Variants in TCTN2 observed in about 807,000 individuals in gnomAD.
The protein encoded by TCTN2 is tectonic family member 2.
TCTN2 carries 66 observed loss-of-function variants against 83.4 expected under a neutral mutation model. That is an observed-to-expected ratio of 0.79 (90% CI 0.65 to 0.97). TCTN2 has a LOEUF of 0.97. Ranked by LOEUF, TCTN2 falls within the 50% of genes least tolerant of loss-of-function variation. The pLI is 0.00. For missense variants in TCTN2, 794 were observed against 858.1 expected, an observed-to-expected ratio of 0.93 and a Z score of 0.93; for synonymous variants, 301 against 326.7, an observed-to-expected ratio of 0.92 and a Z score of 0.85.
intron 12 of TCTN2, 78 bp downstream of exon 12, chr12:123,696,573 A>G: frequency 7.7e-7 from 1 of 1,304,340 alleles, no homozygotes; most frequent in Non-Finnish European, 1.1e-6. Context: ...AATCTAATCA[A>G]GCAATCAATT....
At chr12:123,706,101 G>C (rs58680194) in intron 15 of TCTN2, among the ~76,000 whole-genome samples, 1 of 152,236 alleles carries the variant, frequency 6.6e-6, no homozygotes, top group African/African-American at 2.4e-5. Context: ...TATTGGTTCA[G>C]TTTAGGTCAT....
In TCTN2 at chr12:123,697,090, G is replaced by A. The variant is rs1417574559; in HGVS notation, c.1397G>A (p.Gly466Glu). ...VTTLHLWQSA[G>E]RGLCTSATFK... Reference sequence around the variant, plus strand: ...GGATAATCTTTTTCTTTTATAGCTGGAAGGGGTCTGTGTACATCAGCAACT... The same window carrying A: ...GGATAATCTTTTTCTTTTATAGCTGAAAGGGGTCTGTGTACATCAGCAACT... Residue 466 changes from glycine to glutamate, a missense_variant, in exon 13 of 18, where the codon GGA becomes GAA. Physicochemically the swap from Gly to Glu is moderately conservative, Grantham distance 98 (BLOSUM62 -2). Coordinates refer to ENST00000303372, the MANE Select transcript of TCTN2 (RefSeq NM_024809.5). 1.2e-6 allele frequency: 2 copies of A among 1,612,076 alleles called. No homozygotes were observed. The highest frequency in any genetic ancestry group is 3.3e-5 in the Admixed American group (2 of 59,998).
In TCTN2 at chr12:123,677,965, C is replaced by T. The variant is rs77996773; in HGVS notation, c.464-1224C>T. Among the ~76,000 whole-genome samples, 22 of 152,276 alleles carry T rather than the reference C, an allele frequency of 1.4e-4. No homozygotes were observed. In the East Asian group the frequency reaches 3.5e-3, roughly 24 times the overall value. On this transcript the variant is annotated intron_variant, in intron 4 of 17. Coordinates refer to ENST00000303372, the MANE Select transcript of TCTN2 (RefSeq NM_024809.5). ...ACTCTTACGTGTGTTTCAGGCTCAGCGCATTCTCTCTCTCTGCAAGTCTTC... is the reference window on the plus strand; with the variant it reads ...ACTCTTACGTGTGTTTCAGGCTCAGTGCATTCTCTCTCTCTGCAAGTCTTC...
intron 1 of TCTN2, 34 bp from the exon 2 acceptor site, chr12:123,671,473 T>C (rs1955749627): frequency 6.2e-7 from 1 of 1,608,138 alleles, no homozygotes; most frequent in African/African-American, 1.3e-5. Flanking sequence ...CTTCCACTGC[T>C]AACCCCTCCT....
chr12:123,677,424 A>G (rs1396007671), intron 4 of TCTN2, among the ~76,000 whole-genome samples: 2 of 152,184 alleles, frequency 1.3e-5, no homozygotes, highest in African/African-American at 2.4e-5. Flanking sequence ...TAGTTCCTGC[A>G]TGGTTTTCTA....
intron 6 of TCTN2, among the ~76,000 whole-genome samples, chr12:123,687,474 A>T (rs1021765029): frequency 6.6e-6 from 1 of 151,856 alleles, no homozygotes; most frequent in Non-Finnish European, 1.5e-5. Context: ...TGGCTAACAC[A>T]GTGAAACCCT....
Position 123,699,929 on chromosome 12 carries a change from C to G in TCTN2, c.1612+119C>G, listed in dbSNP as rs1257251737. 4.9e-6 allele frequency: 4 copies of G among 810,820 alleles called. No individual in the cohort carries two copies. In the African/African-American group the frequency reaches 6.8e-5, roughly 14 times the overall value. The allele number at this position is 810,820 out of a possible 1,614,324, so 50.2% of individuals were successfully genotyped here. A position where few individuals can be genotyped will look rare whatever the true frequency, so the allele number is the denominator to read the frequency against. On this transcript the variant is annotated intron_variant, in intron 14 of 17. Transcript: ENST00000303372. ...TTCCTGAGGCTTGACTGCGGCTTAA[C>G]TGGACGTTTGCCCAGGGGTTAGATC...
At chr12:123,697,259 T>C (rs1004859870) in intron 13 of TCTN2, 61 bp downstream of exon 13, 4 of 1,183,028 alleles carry the variant, frequency 3.4e-6, no homozygotes, top group Non-Finnish European at 5.1e-6. Context: ...ATTAATTCAC[T>C]ACATGAATAT....
At chr12:123,682,591 C>T (rs1324705152) in intron 5 of TCTN2, among the ~76,000 whole-genome samples, 2 of 152,092 alleles carry the variant, frequency 1.3e-5, no homozygotes, top group African/African-American at 2.4e-5. Context: ...AAGCGATTCT[C>T]CTGCCTCAGC....
intron 5 of TCTN2, 26 bp from the exon 6 acceptor site, chr12:123,686,810 C>T: frequency 1.2e-6 from 2 of 1,612,890 alleles, no homozygotes; most frequent in South Asian, 2.2e-5. Flanking sequence ...ACGGTCACAG[C>T]TCCTGCCTTT....
At chr12:123,699,883 A>T (rs892565971) in intron 14 of TCTN2, 73 bp downstream of exon 14, 36 of 1,166,954 alleles carry the variant, frequency 3.1e-5, no homozygotes, top group Non-Finnish European at 3.7e-5. Flanking sequence ...GCAGCATTAG[A>T]GCCCAACCCA....
chr12:123,678,832 G>A (rs966987328), intron 4 of TCTN2, among the ~76,000 whole-genome samples: 1 of 151,032 alleles, frequency 6.6e-6, no homozygotes, highest in Non-Finnish European at 1.5e-5. Context: ...GAGTCTCACT[G>A]TGTCGCCCAG....
intron 7 of TCTN2, 37 bp downstream of exon 7, chr12:123,688,214 T>TC (rs1491548697): frequency 8.9e-6 from 2 of 223,650 alleles, no homozygotes; most frequent in East Asian, 1.3e-4. Flanking sequence ...GACCGTTCTC[T>TC]TTTTTTTTTT....
chr12:123,675,773 G>A (rs1955812979), intron 4 of TCTN2, among the ~76,000 whole-genome samples: 1 of 152,192 alleles, frequency 6.6e-6, no homozygotes, highest in African/African-American at 2.4e-5. Flanking sequence ...GAACAGGAAA[G>A]GGCTGACAGT....
At chr12:123,678,441 G>A (rs1955851757) in intron 4 of TCTN2, among the ~76,000 whole-genome samples, 1 of 152,028 alleles carries the variant, frequency 6.6e-6, no homozygotes, top group Non-Finnish European at 1.5e-5. Flanking sequence ...TTTCTTTTTT[G>A]TAGCCTGGGC....
intron 9 of TCTN2, among the ~76,000 whole-genome samples, chr12:123,694,501 G>A (rs191753082): frequency 5.3e-5 from 8 of 152,376 alleles, no homozygotes; most frequent in Admixed American, 2.0e-4. Context: ...GCGGGCCCCT[G>A]CCCTGGCGGA....
chr12:123,688,211 C>CT (rs757586457), intron 7 of TCTN2, 34 bp downstream of exon 7: 3 of 1,548,434 alleles, frequency 1.9e-6, no homozygotes, highest in Admixed American at 1.8e-5. Flanking sequence ...CTAGACCGTT[C>CT]TCTTTTTTTT....
chr12:123,688,770 T>G (rs1956007225), intron 7 of TCTN2, among the ~76,000 whole-genome samples: 1 of 152,110 alleles, frequency 6.6e-6, no homozygotes, highest in Non-Finnish European at 1.5e-5. Flanking sequence ...TTTCTTTTTT[T>G]TTGAGACAGA....
intron 4 of TCTN2, among the ~76,000 whole-genome samples, chr12:123,676,424 C>T (rs1042953713): frequency 4.6e-5 from 7 of 151,506 alleles, no homozygotes; most frequent in Admixed American, 1.3e-4. Flanking sequence ...AAAAATTAGC[C>T]GGGTATGGTG....
Sources: gnomAD v4.1 joint callset for allele counts (sites outside exome capture counted in the v4.1 genomes callset) on GRCh38, gnomAD v4.1.1 for gene constraint, MANE v1.5 for transcripts, NCBI Gene and HGNC (gene_info 2026-07-23, HGNC 2026-07-21) for gene names.